The following CERKL variants were observed in gnomAD, a reference collection of about 807,000 sequenced individuals.
CERKL encodes ceramide kinase-like protein.
A neutral mutation model predicts 63.4 loss-of-function variants in CERKL; 61 were observed. That is an observed-to-expected ratio of 0.96 (90% CI 0.78 to 1.19). The LOEUF is 1.19. Among genes scored for constraint, CERKL ranks in the 50% most tolerant of loss-of-function variants. CERKL has a pLI of 0.00. For missense variants in CERKL, 675 were observed against 655.5 expected, an observed-to-expected ratio of 1.03 and a Z score of -0.33; for synonymous variants, 250 against 230.5, an observed-to-expected ratio of 1.08 and a Z score of -0.77.
intron 1 of CERKL, among the ~76,000 whole-genome samples, chr2:181,611,944 A>G (rs1685985896): frequency 6.6e-6 from 1 of 152,234 alleles, no homozygotes; most frequent in Non-Finnish European, 1.5e-5. Flanking sequence ...AAATAGTTTG[A>G]TTAGTTTAAA....
At chr2:181,624,218 C>G (rs1686581550) in intron 1 of CERKL, among the ~76,000 whole-genome samples, 1 of 152,000 alleles carries the variant, frequency 6.6e-6, no homozygotes, top group Admixed American at 6.6e-5. Flanking sequence ...ACGATGTGCT[C>G]TAATGTACAC....
rs181630569 is a variant in CERKL, at chr2:181,557,237, G to T, written c.820+1329C>A. On this transcript the variant is annotated intron_variant, in intron 5 of 12. Coordinates refer to ENST00000410087, the MANE Select transcript of CERKL (RefSeq NM_201548.5). ...TTTCTTTTGCTGTGCAGAAGCTCTTGAGTTTAATTAGATCCCATTTGTCAA... is the reference window on the plus strand; with the variant it reads ...TTTCTTTTGCTGTGCAGAAGCTCTTTAGTTTAATTAGATCCCATTTGTCAA... 5.4e-3 allele frequency among the ~76,000 whole-genome samples: 815 copies of T among 151,984 alleles called. 8 individuals are homozygous for T. The highest frequency in any genetic ancestry group is 0.019 in the African/African-American group (773 of 41,470).
chr2:181,655,550 G>C (rs1174017373), intron 1 of CERKL, among the ~76,000 whole-genome samples: 1 of 152,186 alleles, frequency 6.6e-6, no homozygotes, highest in Non-Finnish European at 1.5e-5. Flanking sequence ...ACACTTTAAG[G>C]TCAAAGACTG....
chr2:181,621,427 A>G (rs559229178), intron 1 of CERKL, among the ~76,000 whole-genome samples: 1 of 152,354 alleles, frequency 6.6e-6, no homozygotes, highest in East Asian at 1.9e-4. Context: ...AATTTTAACC[A>G]TTTTGGAGTA....
At position 181,656,726 on chromosome 2, in the gene CERKL, G is replaced by A. The variant is rs1219676510; in HGVS notation, c.238+43C>T. 4.0e-6 allele frequency: 6 copies of A among 1,503,568 alleles called. No individual in the cohort carries two copies. The East Asian group carries it at 9.8e-5, about 25-fold the overall frequency. The allele number at this position is 1,503,568 out of a possible 1,614,324, so 93.1% of individuals were successfully genotyped here. On this transcript the variant is annotated intron_variant, in intron 1 of 12. Coordinates refer to ENST00000410087, the MANE Select transcript of CERKL (RefSeq NM_201548.5). ...TAGGCCTTGGGCCGGGGAGAGGGAG[G>A]AAGCGCGGAGGGAGGCGAAGACGCT...
chr2:181,538,787 T>C (rs1687339491), intron 12 of CERKL, among the ~76,000 whole-genome samples: 1 of 152,164 alleles, frequency 6.6e-6, no homozygotes, highest in Non-Finnish European at 1.5e-5. Context: ...TCTTGATCCA[T>C]TTTTAAAAAT....
chr2:181,624,552 G>C (rs1377198265), intron 1 of CERKL, among the ~76,000 whole-genome samples: 1 of 152,084 alleles, frequency 6.6e-6, no homozygotes, highest in African/African-American at 2.4e-5. Context: ...AAACGAAATT[G>C]CTACATGGAG....
intron 2 of CERKL, among the ~76,000 whole-genome samples, chr2:181,576,551 A>AG (rs534206310): frequency 5.3e-5 from 8 of 152,260 alleles, no homozygotes; most frequent in Non-Finnish European, 8.8e-5. Context: ...GGCATTTACA[A>AG]GGACTTTGGC....
intron 1 of CERKL, among the ~76,000 whole-genome samples, chr2:181,613,590 C>G (rs1686065185): frequency 1.3e-5 from 2 of 152,144 alleles, no homozygotes; most frequent in Admixed American, 6.5e-5. Flanking sequence ...AAAAGAAAAA[C>G]TGTAGGCTTA....
chr2:181,631,196 T>G (rs1308858701), intron 1 of CERKL, among the ~76,000 whole-genome samples: 3 of 152,204 alleles, frequency 2.0e-5, no homozygotes, highest in South Asian at 2.1e-4. Context: ...ATTTCTCAAG[T>G]CTTCTATATT....
chr2:181,628,800 T>C (rs1441625978), intron 1 of CERKL, among the ~76,000 whole-genome samples: 1 of 152,188 alleles, frequency 6.6e-6, no homozygotes, highest in Non-Finnish European at 1.5e-5. Flanking sequence ...GATCAGCAAG[T>C]TAATGTCCTT....
At chr2:181,645,715 A>G (rs2105525467) in intron 1 of CERKL, among the ~76,000 whole-genome samples, 1 of 152,332 alleles carries the variant, frequency 6.6e-6, no homozygotes, top group South Asian at 2.1e-4. Flanking sequence ...TAAAAATGGT[A>G]TCACCTGCCC....
At chr2:181,635,730 T>G (rs1306030000) in intron 1 of CERKL, among the ~76,000 whole-genome samples, 1 of 152,194 alleles carries the variant, frequency 6.6e-6, no homozygotes, top group East Asian at 1.9e-4. Flanking sequence ...ATTAATTACT[T>G]GTATTAGACA....
chr2:181,559,657 G>A (rs1446123126), intron 4 of CERKL, among the ~76,000 whole-genome samples: 1 of 152,150 alleles, frequency 6.6e-6, no homozygotes, highest in Non-Finnish European at 1.5e-5. Flanking sequence ...CTCCTAATTT[G>A]TAAATACTAA....
At chr2:181,539,412 C>G (rs17226490) in intron 11 of CERKL, 148 bp from the exon 12 acceptor site, 350,296 of 588,976 alleles carry the variant, frequency 0.59, 106,549 homozygotes, top group South Asian at 0.84. Flanking sequence ...GGATCTCCAA[C>G]TTTTTTTGGA....
chr2:181,600,799 A>T (rs1228582272), intron 2 of CERKL, among the ~76,000 whole-genome samples: 7 of 152,222 alleles, frequency 4.6e-5, no homozygotes, highest in African/African-American at 1.7e-4. Context: ...ACAGATCACC[A>T]TGGCAGAAAA....
intron 2 of CERKL, 99 bp from the exon 3 acceptor site, chr2:181,573,983 A>G: frequency 9.4e-7 from 1 of 1,067,684 alleles, no homozygotes. Flanking sequence ...TGTTATATGC[A>G]TTTAAATAGT....
At chr2:181,566,162 T>C (rs1210657240) in intron 3 of CERKL, 41 bp from the exon 4 acceptor site, 5 of 1,473,916 alleles carry the variant, frequency 3.4e-6, no homozygotes, top group Non-Finnish European at 9.5e-7. Context: ...GTGACAGTTT[T>C]AAACAATGAT....
chr2:181,558,489 G>T lies in CERKL; in HGVS notation c.820+77C>A. The stretch of plus-strand genomic sequence containing the variant: ...AAAGTCTGTTCATTAATTCTGTGTT[G>T]TGCTGTCTAGATTAGCAAGTAAGAA... On this transcript the variant is annotated intron_variant, in intron 5 of 12. Coordinates refer to ENST00000410087, the MANE Select transcript of CERKL (RefSeq NM_201548.5). This position sits in a 1 kb window ranked among gnomAD's most constrained non-coding sequence, Gnocchi z 4.2. The T allele has an allele frequency of 6.9e-7, 1 of 1,458,908 alleles. No individual in the cohort carries two copies. The highest frequency in any genetic ancestry group is 9.6e-7 in the Non-Finnish European group (1 of 1,046,422). 90.4% of individuals were successfully genotyped at this position (1,458,908 alleles called of 1,614,324 possible).
Sources: allele counts gnomAD v4.1 joint callset (sites outside exome capture counted in the v4.1 genomes callset), GRCh38; gene constraint gnomAD v4.1.1; non-coding constraint Gnocchi (gnomAD v3.1); transcripts MANE v1.5; gene names NCBI Gene and HGNC (gene_info 2026-07-23, HGNC 2026-07-21).